The following GPR161 variants were observed in gnomAD, a reference collection of about 807,000 sequenced individuals.
GPR161 encodes the protein G-protein coupled receptor RE2.
A neutral mutation model predicts 39.2 loss-of-function variants in GPR161; 25 were observed. The ratio of observed to expected loss-of-function variants is 0.64; its 90% confidence interval spans 0.47 to 0.89. The LOEUF (loss-of-function observed/expected upper bound fraction) is 0.89, where lower values mean the gene tolerates loss of function less well. Among genes scored for constraint, GPR161 ranks in the 40% least tolerant of loss-of-function variants. GPR161 has a pLI of 0.00. For missense variants in GPR161, 547 were observed against 677.8 expected, an observed-to-expected ratio of 0.81 and a Z score of 2.14; for synonymous variants, 286 against 276.6, an observed-to-expected ratio of 1.03 and a Z score of -0.34.
At chr1:168,126,311 G>A (rs1276152092) in intron 1 of GPR161, among the ~76,000 whole-genome samples, 1 of 152,090 alleles carries the variant, frequency 6.6e-6, no homozygotes, top group Non-Finnish European at 1.5e-5. Flanking sequence ...TCTATCTCTA[G>A]ACCACCTTAA....
At chr1:168,130,194 C>T (rs140197834) in intron 1 of GPR161, among the ~76,000 whole-genome samples, 25 of 152,304 alleles carry the variant, frequency 1.6e-4, no homozygotes, top group Middle Eastern at 3.4e-3. Context: ...TCGGCCTCCT[C>T]GATATCTCTT....
At chr1:168,110,851 G>A (rs557876947) in intron 1 of GPR161, among the ~76,000 whole-genome samples, 1 of 151,494 alleles carries the variant, frequency 6.6e-6, no homozygotes, top group South Asian at 2.1e-4. Flanking sequence ...TTAAACCCAA[G>A]AGGCGGAGGT....
At chr1:168,093,165 AG>A (rs752118878) in intron 3 of GPR161, among the ~76,000 whole-genome samples, 21 of 152,170 alleles carry the variant, frequency 1.4e-4, no homozygotes, top group Non-Finnish European at 2.4e-4. Flanking sequence ...ATGTCCATGC[AG>A]GGCTGACCTA....
intron 5 of GPR161, 100 bp from the exon 6 acceptor site, chr1:168,085,896 C>T: frequency 1.9e-6 from 2 of 1,044,648 alleles, no homozygotes; most frequent in Non-Finnish European, 2.8e-6. Flanking sequence ...GGGAGGGAGA[C>T]AAACCGCAGT....
rs770416868 is a variant in GPR161, at chr1:168,104,777, C to A, written c.74G>T (p.Gly25Val). ...NLTEEEGGEG[G>V]VIITQFIAII... is the part of the protein sequence containing the mutation. ...GGCGATGAACTGGGTGATGATGACG[C>A]CCCCTTCGCCACCCTCCTCCTCAGT... Residue 25 changes from glycine (G) to valine (V), a missense_variant, in exon 2 of 6, where the codon GGC becomes GTC. Physicochemically the swap from Gly to Val is moderately radical, Grantham distance 109 (BLOSUM62 -3). Transcript: ENST00000682931. 1.9e-6 allele frequency: 3 copies of A among 1,613,914 alleles called. No homozygotes were observed. The highest frequency in any genetic ancestry group is 2.5e-6 in the Non-Finnish European group (3 of 1,179,894).
rs1303868976 is a variant in GPR161, at chr1:168,085,607, C to T, written c.1514G>A (p.Ser505Asn). 2 of 1,614,106 alleles carry T rather than the reference C, an allele frequency of 1.2e-6. No homozygotes were observed. Among genetic ancestry groups the T allele is most frequent in the Non-Finnish European group, 1.7e-6 (2 of 1,180,000 alleles). ...PGGGFGGRRGSRTLVSQRLQL... is the reference protein window; with the variant it reads ...PGGGFGGRRGNRTLVSQRLQL... ...CAGCCTCTGGCTCACAAGAGTTCTGCTGCCTCGGCGGCCCCCGAAGCCGCC... is the reference window on the plus strand; with the variant it reads ...CAGCCTCTGGCTCACAAGAGTTCTGTTGCCTCGGCGGCCCCCGAAGCCGCC... Residue 505 changes from serine (S) to asparagine (N), a missense_variant, in exon 6 of 6, where the codon AGC becomes AAC. By Grantham distance (46) the Ser-to-Asn change is conservative. Transcript: ENST00000682931.
rs1295996790 is a variant in GPR161, at chr1:168,084,784, G to T, written c.*747C>A. The T allele has an allele frequency of 1.1e-5, 5 of 449,068 alleles. No homozygotes were observed. The highest frequency in any genetic ancestry group is 9.9e-5 in the Admixed American group (4 of 40,534). 27.8% of individuals were successfully genotyped at this position (449,068 alleles called of 1,614,324 possible). On this transcript the variant is annotated 3_prime_UTR_variant, in exon 6 of 6. Coordinates refer to ENST00000682931, the MANE Select transcript of GPR161 (RefSeq NM_001375883.1). ...TTAAATGGATTTTTTTTTTAATTCTGGAAATGAAACACCTAGTACCTGCCC... is the reference window on the plus strand; with the variant it reads ...TTAAATGGATTTTTTTTTTAATTCTTGAAATGAAACACCTAGTACCTGCCC...
At chr1:168,132,885 C>T (rs568899990) in intron 1 of GPR161, among the ~76,000 whole-genome samples, 1 of 152,194 alleles carries the variant, frequency 6.6e-6, no homozygotes, top group Admixed American at 6.5e-5. Context: ...GCTGGGATTA[C>T]AGGTGCCCAC....
At chr1:168,134,884 A>T in intron 1 of GPR161, 9 of 1,533,170 alleles carry the variant, frequency 5.9e-6, no homozygotes, top group Non-Finnish European at 7.9e-6. Flanking sequence ...CTGGCAGTGG[A>T]GTTTACACCA....
chr1:168,137,493 C>A (rs968264530), upstream of GPR161: 6 of 1,132,948 alleles, frequency 5.3e-6, no homozygotes, highest in East Asian at 1.3e-4. Context: ...AAGCCAGCCC[C>A]GGGGAGTGGG....
At chr1:168,089,646 G>A (rs1558088606) in intron 4 of GPR161, 3 of 152,336 alleles carry the variant, frequency 2.0e-5, no homozygotes, top group African/African-American at 4.8e-5. Flanking sequence ...CCCTCCAGGC[G>A]CCAGTGCACC....
At chr1:168,136,999 C>T (rs1464079369), upstream of GPR161, 1 of 889,914 alleles carries the variant, frequency 1.1e-6, no homozygotes, top group Non-Finnish European at 1.3e-6. Flanking sequence ...CCCCCGGAGC[C>T]CCGAGCCGCC....
chr1:168,123,178 A>T (rs1698315775), intron 1 of GPR161, among the ~76,000 whole-genome samples: 1 of 152,220 alleles, frequency 6.6e-6, no homozygotes, highest in South Asian at 2.1e-4. Context: ...AGGAATGGTG[A>T]CTCATGCCTA....
At chr1:168,127,918 T>C (rs1234322601) in intron 1 of GPR161, among the ~76,000 whole-genome samples, 1 of 152,154 alleles carries the variant, frequency 6.6e-6, no homozygotes, top group Non-Finnish European at 1.5e-5. Context: ...GAATGCAAAG[T>C]GGAAGTGTCT....
intron 1 of GPR161, chr1:168,118,684 G>A (rs1351595353): frequency 2.6e-5 from 4 of 152,130 alleles, no homozygotes; most frequent in African/African-American, 9.7e-5. Flanking sequence ...GCTGCAGTGA[G>A]CCGAGATCGT....
chr1:168,116,554 C>G (rs1195985780), intron 1 of GPR161, among the ~76,000 whole-genome samples: 2 of 152,206 alleles, frequency 1.3e-5, no homozygotes, highest in African/African-American at 4.8e-5. Context: ...TACTCTCATT[C>G]CAACCACAAA....
At chr1:168,103,621 T>C (rs1290791670) in intron 2 of GPR161, among the ~76,000 whole-genome samples, 1 of 152,156 alleles carries the variant, frequency 6.6e-6, no homozygotes, top group East Asian at 1.9e-4. Flanking sequence ...CGGGGACTTG[T>C]GTCACCCAGT....
intron 1 of GPR161, among the ~76,000 whole-genome samples, chr1:168,117,761 A>G (rs12403023): frequency 0.25 from 38,433 of 152,072 alleles, 5,172 homozygotes; most frequent in Admixed American, 0.39. Flanking sequence ...TCCATTCACC[A>G]CAGCAGATGA....
chr1:168,127,967 C>A (rs1375613295), intron 1 of GPR161, among the ~76,000 whole-genome samples: 1 of 152,136 alleles, frequency 6.6e-6, no homozygotes, highest in East Asian at 1.9e-4. Flanking sequence ...AGATTTAAAG[C>A]CCCACTATAG....
Sources: allele counts gnomAD v4.1 joint callset (sites outside exome capture counted in the v4.1 genomes callset), GRCh38; gene constraint gnomAD v4.1.1; transcripts MANE v1.5; gene names NCBI Gene and HGNC (gene_info 2026-07-23, HGNC 2026-07-21).